Variants in NAV2 observed in about 807,000 individuals in gnomAD.
NAV2 encodes neuron navigator 2, also known as helicase, APC down-regulated 1.
In NAV2, 54 loss-of-function variants were observed where a neutral mutation model predicts 223.2. That is an observed-to-expected ratio of 0.24 (90% CI 0.19 to 0.30). The LOEUF (loss-of-function observed/expected upper bound fraction) is 0.30, where lower values mean the gene tolerates loss of function less well. NAV2 is among the 10% of genes least tolerant of loss of function. NAV2 has a pLI of 1.00. For missense variants in NAV2, 2,806 were observed against 3,147.5 expected, an observed-to-expected ratio of 0.89 and a Z score of 2.60; for synonymous variants, 1,279 against 1,239.3, an observed-to-expected ratio of 1.03 and a Z score of -0.67.
At chr11:19,753,019 TCCACC>T (rs2053956434) in intron 1 of NAV2, among the ~76,000 whole-genome samples, 3 of 152,178 alleles carry the variant, frequency 2.0e-5, no homozygotes, top group Non-Finnish European at 2.9e-5. Flanking sequence ...ACTCATTCTT[TCCACC>T]ATGTGAAAAT....
At chr11:19,530,270 C>T (rs1046311292) in intron 1 of NAV2, among the ~76,000 whole-genome samples, 1 of 152,182 alleles carries the variant, frequency 6.6e-6, no homozygotes, top group African/African-American at 2.4e-5. Context: ...AAGCTCCTAC[C>T]ACTGTGTGTA....
In NAV2 at chr11:19,383,145, C is replaced by T. The variant is rs146136649; in HGVS notation, c.75+32118C>T. Among the ~76,000 whole-genome samples the T allele has an allele frequency of 5.3e-4, 81 of 152,318 alleles. 1 individual carries two copies. Among genetic ancestry groups the T allele is most frequent in the African/African-American group, 1.8e-3 (75 of 41,556 alleles). The stretch of plus-strand genomic sequence containing the variant: ...GACAGACACTGCTATAGTGCACTAG[C>T]ATCTCTATTCTCTCTGTCCTGGCTC... On this transcript the variant is annotated intron_variant, in intron 1 of 37. Transcript: ENST00000360655.
chr11:19,919,229 GT>G (rs2044064557), intron 6 of NAV2, among the ~76,000 whole-genome samples: 1 of 151,320 alleles, frequency 6.6e-6, no homozygotes, highest in Admixed American at 6.6e-5. Context: ...GCTTGAGAAT[GT>G]TTAAGTTGGA....
At chr11:19,361,459 A>G (rs1010174868) in intron 1 of NAV2, among the ~76,000 whole-genome samples, 1 of 152,006 alleles carries the variant, frequency 6.6e-6, no homozygotes, top group Non-Finnish European at 1.5e-5. Flanking sequence ...TTCTTGGTCT[A>G]TCTAGCCTTT....
intron 11 of NAV2, among the ~76,000 whole-genome samples, chr11:19,996,377 G>A (rs762172054): frequency 2.6e-5 from 4 of 152,178 alleles, no homozygotes; most frequent in Non-Finnish European, 5.9e-5. Context: ...AAGCCAGTCC[G>A]CCTTCCAGGT....
chr11:19,427,982 G>A (rs961964939), intron 1 of NAV2, among the ~76,000 whole-genome samples: 16 of 151,842 alleles, frequency 1.1e-4, no homozygotes, highest in Non-Finnish European at 5.9e-5. Context: ...TGTGTTTGGG[G>A]TATTTTTTTT....
intron 1 of NAV2, among the ~76,000 whole-genome samples, chr11:19,745,606 C>T (rs1472563491): frequency 1.3e-5 from 2 of 152,072 alleles, no homozygotes; most frequent in Non-Finnish European, 2.9e-5. Context: ...CTTTCTGGCA[C>T]CAAAGACCCA....
intron 1 of NAV2, among the ~76,000 whole-genome samples, chr11:19,387,394 A>G (rs1849084014): frequency 6.6e-6 from 1 of 152,100 alleles, no homozygotes; most frequent in South Asian, 2.1e-4. Context: ...GACTGGAAGC[A>G]TGGAAGTTTC....
At chr11:19,476,503 G>A (rs1458660932) in intron 1 of NAV2, among the ~76,000 whole-genome samples, 11 of 152,060 alleles carry the variant, frequency 7.2e-5, no homozygotes, top group Non-Finnish European at 7.4e-5. Context: ...ATCCTAAGCA[G>A]CCATTCCTGC....
intron 1 of NAV2, among the ~76,000 whole-genome samples, chr11:19,656,511 T>C (rs2048130296): frequency 6.6e-6 from 1 of 152,228 alleles, no homozygotes; most frequent in African/African-American, 2.4e-5. Context: ...AGCCAGATCA[T>C]GCCCAGGCTT....
intron 11 of NAV2, among the ~76,000 whole-genome samples, chr11:19,984,624 C>G (rs907188423): frequency 6.6e-6 from 1 of 152,200 alleles, no homozygotes; most frequent in African/African-American, 2.4e-5. Flanking sequence ...CACAGAAGGT[C>G]TGTGTGCAGA....
Position 20,095,664 on chromosome 11 carries a change from A to G in NAV2, c.5917-8A>G, listed in dbSNP as rs150276360. ...GTTTTTCACCTGTGTACATTTCCTT[A>G]CCCTTAGGATTCCAGACCACATCTC... On this transcript the variant is annotated splice_region_variant and splice_polypyrimidine_tract_variant and intron_variant, in intron 29 of 37. Coordinates refer to ENST00000349880, the MANE Select transcript of NAV2 (RefSeq NM_145117.5). The G allele has an allele frequency of 1.7e-3, 2,675 of 1,603,336 alleles. 27 individuals carry two copies. In the Middle Eastern group the frequency reaches 0.019, roughly 11 times the overall value.
At chr11:20,019,174 G>T (rs1176546583) in intron 11 of NAV2, among the ~76,000 whole-genome samples, 1 of 152,174 alleles carries the variant, frequency 6.6e-6, no homozygotes, top group African/African-American at 2.4e-5. Flanking sequence ...ATGAGGGAAG[G>T]CTGAGCGACC....
At chr11:19,587,609 G>A (rs2045942574) in intron 1 of NAV2, among the ~76,000 whole-genome samples, 1 of 152,194 alleles carries the variant, frequency 6.6e-6, no homozygotes, top group Non-Finnish European at 1.5e-5. Flanking sequence ...TGGGTTGAAA[G>A]CATCTGACTT....
At chr11:19,794,242 A>C (rs1255438876) in intron 1 of NAV2, among the ~76,000 whole-genome samples, 3 of 152,184 alleles carry the variant, frequency 2.0e-5, no homozygotes, top group Admixed American at 6.5e-5. Flanking sequence ...CGTTGTAAGG[A>C]GGCTTTCTTC....
chr11:20,024,160 A>T (rs1355648766), intron 11 of NAV2, among the ~76,000 whole-genome samples: 2 of 151,984 alleles, frequency 1.3e-5, no homozygotes, highest in Non-Finnish European at 2.9e-5. Flanking sequence ...GTTGTGGAGG[A>T]CTCACCGAAA....
rs2060906580 is a variant in NAV2, at chr11:20,092,296, A to T, written c.5743A>T (p.Ile1915Phe). The change falls in exon 28 of 38, where the codon ATC (isoleucine) becomes TTC (phenylalanine). Residue 1915 changes from isoleucine (I) to phenylalanine (F), a missense_variant. This residue lies in a region of NAV2 where 824 missense variants were observed against 1,069.4 expected (regional missense o/e 0.77). Transcript: ENST00000349880. Reference protein sequence around the residue: ...GCSRAPSQVSISASPRQSMGL... With the variant: ...GCSRAPSQVSFSASPRQSMGL... The stretch of plus-strand genomic sequence containing the variant: ...CAGCCGGGCTCCTTCCCAAGTGTCC[A>T]TCTCTGCCTCCCCGAGGCAGTCCAT... 1 of 1,614,074 alleles carries T rather than the reference A, an allele frequency of 6.2e-7. No homozygotes were observed. The highest frequency in any genetic ancestry group is 1.7e-5 in the Admixed American group (1 of 60,002).
chr11:19,799,437 C>G (rs2058103225), intron 1 of NAV2, among the ~76,000 whole-genome samples: 1 of 152,122 alleles, frequency 6.6e-6, no homozygotes, highest in Non-Finnish European at 1.5e-5. Flanking sequence ...ACAGAACTAC[C>G]CAGTGGATCT....
At chr11:19,616,709 A>G (rs949381494) in intron 1 of NAV2, among the ~76,000 whole-genome samples, 9 of 151,888 alleles carry the variant, frequency 5.9e-5, no homozygotes, top group Non-Finnish European at 1.0e-4. Flanking sequence ...TAGGCCTAGG[A>G]TGGCTCCTCT....
Sources: gnomAD v4.1 joint callset for allele counts (sites outside exome capture counted in the v4.1 genomes callset) on GRCh38, gnomAD v4.1.1 for gene constraint, gnomAD v4.1.1 regional missense constraint, MANE v1.5 for transcripts, NCBI Gene and HGNC (gene_info 2026-07-23, HGNC 2026-07-21) for gene names.